Variants in C3orf49 observed in about 807,000 individuals in gnomAD.
C3orf49 encodes putative uncharacterized protein C3orf49.
C3orf49 carries 27 observed loss-of-function variants against 13.3 expected under a neutral mutation model. The observed-to-expected ratio is 2.02, with a 90% confidence interval of 1.49 to 2.79. C3orf49 has a LOEUF of 2.79. Among genes scored for constraint, C3orf49 ranks in the 30% most tolerant of loss-of-function variants. The pLI is 0.00. For missense variants in C3orf49, 242 were observed against 134.2 expected (o/e 1.80, Z -3.97); for synonymous variants, 87 against 47.6 (o/e 1.83, Z -3.40).
chr3:63,800,449 T>C, the C3orf49 span, among the ~76,000 whole-genome samples: 4 of 152,128 alleles, frequency 2.6e-5, no homozygotes, highest in Admixed American at 2.0e-4. Context: ...AGATGTTTTA[T>C]AGGGGTATTC....
chr3:63,809,068 T>A, the C3orf49 span, among the ~76,000 whole-genome samples: 5 of 152,318 alleles, frequency 3.3e-5, no homozygotes, highest in African/African-American at 1.2e-4. Context: ...TCATGTATAT[T>A]TTCACCATCC....
the C3orf49 span, among the ~76,000 whole-genome samples, chr3:63,798,637 A>G: frequency 6.6e-6 from 1 of 152,128 alleles, no homozygotes; most frequent in Admixed American, 6.6e-5. Context: ...CTGTGAATCA[A>G]TATAAAGACT....
chr3:63,819,114 GT>G (rs1701363306), upstream of C3orf49, among the ~76,000 whole-genome samples: 2 of 152,026 alleles, frequency 1.3e-5, no homozygotes, highest in East Asian at 3.9e-4. Flanking sequence ...TGTTGTTGTT[GT>G]TTGATTTTTT....
intron 6 of C3orf49, 133 bp downstream of exon 6, chr3:63,845,215 G>T (rs149216656): frequency 8.5e-6 from 4 of 472,048 alleles, no homozygotes; most frequent in Non-Finnish European, 1.5e-5. Flanking sequence ...GGCTTTGGGG[G>T]TATCAAGATT....
At chr3:63,835,498 C>G in intron 5 of C3orf49, 1 of 977,860 alleles carries the variant, frequency 1.0e-6, no homozygotes, top group Non-Finnish European at 1.5e-6. Flanking sequence ...AAAAAAAGGG[C>G]TTATAAGGAG....
At chr3:63,782,472 G>C in the C3orf49 span, 1 of 152,110 alleles carries the variant, frequency 6.6e-6, no homozygotes, top group Non-Finnish European at 1.5e-5. Flanking sequence ...ACATTGATGA[G>C]AAAAATCTTT....
intron 3 of C3orf49, among the ~76,000 whole-genome samples, chr3:63,829,979 G>T (rs1238031630): frequency 6.6e-6 from 1 of 152,052 alleles, no homozygotes; most frequent in South Asian, 2.1e-4. Flanking sequence ...ATATATATAT[G>T]TATTTGAATT....
At chr3:63,790,625 A>T in the C3orf49 span, among the ~76,000 whole-genome samples, 1 of 145,648 alleles carries the variant, frequency 6.9e-6, no homozygotes, top group Non-Finnish European at 1.5e-5. Context: ...TTGGCACCTC[A>T]ATGCAGTAAT....
intron 2 of C3orf49, among the ~76,000 whole-genome samples, chr3:63,825,092 T>G (rs574907271): frequency 6.6e-6 from 1 of 152,292 alleles, no homozygotes; most frequent in South Asian, 2.1e-4. Context: ...CTGTGGGATT[T>G]GACAAATACC....
chr3:63,816,442 A>G (rs1031358224), upstream of C3orf49, among the ~76,000 whole-genome samples: 9 of 152,068 alleles, frequency 5.9e-5, no homozygotes, highest in African/African-American at 1.7e-4. Context: ...AATACAAAAA[A>G]TTAGCTGGGC....
intron 5 of C3orf49, among the ~76,000 whole-genome samples, chr3:63,840,914 C>T (rs1701743157): frequency 6.6e-6 from 1 of 152,142 alleles, no homozygotes; most frequent in Non-Finnish European, 1.5e-5. Context: ...CCATTCTGAC[C>T]CCATAATTCC....
chr3:63,810,376 G>T, the C3orf49 span, among the ~76,000 whole-genome samples: 1 of 152,042 alleles, frequency 6.6e-6, no homozygotes, highest in Non-Finnish European at 1.5e-5. Context: ...TCTGTTCCTC[G>T]CTGTATGCTC....
the C3orf49 span, among the ~76,000 whole-genome samples, chr3:63,810,923 T>G: frequency 6.6e-6 from 1 of 152,224 alleles, no homozygotes; most frequent in Non-Finnish European, 1.5e-5. Flanking sequence ...CTCAGCTCAC[T>G]GCAACCTCCA....
the C3orf49 span, among the ~76,000 whole-genome samples, chr3:63,785,351 C>T: frequency 2.0e-5 from 3 of 151,260 alleles, no homozygotes; most frequent in Non-Finnish European, 2.9e-5. Context: ...GGATTATAGG[C>T]GTGAGCCACC....
At chr3:63,827,875 A>G in intron 3 of C3orf49, 150 bp downstream of exon 3, 1 of 571,282 alleles carries the variant, frequency 1.8e-6, no homozygotes, top group Non-Finnish European at 3.1e-6. Context: ...AATTTAGGGT[A>G]CTCTCTGGGT....
At chr3:63,795,592 C>T in the C3orf49 span, among the ~76,000 whole-genome samples, 1 of 152,148 alleles carries the variant, frequency 6.6e-6, no homozygotes, top group Non-Finnish European at 1.5e-5. Flanking sequence ...CTCATTTGCT[C>T]AATCGTCCTC....
At chr3:63,833,687 T>C (rs1385014613) in intron 5 of C3orf49, 1 of 157,268 alleles carries the variant, frequency 6.4e-6, no homozygotes, top group Admixed American at 6.4e-5. Context: ...TTTCACAGGT[T>C]CATGGTCCTC....
intron 2 of C3orf49, among the ~76,000 whole-genome samples, chr3:63,826,479 C>T (rs918019540): frequency 6.6e-6 from 1 of 152,102 alleles, no homozygotes; most frequent in African/African-American, 2.4e-5. Flanking sequence ...GGATTGAGCA[C>T]TGGCTTTGAA....
chr3:63,813,383 A>G, the C3orf49 span, among the ~76,000 whole-genome samples: 2 of 152,178 alleles, frequency 1.3e-5, no homozygotes, highest in Admixed American at 6.5e-5. Flanking sequence ...ATTTTGATTC[A>G]TATGTTGTTT....
Sources: allele counts gnomAD v4.1 joint callset (sites outside exome capture counted in the v4.1 genomes callset), GRCh38; gene constraint gnomAD v4.1.1; transcripts MANE v1.5; gene names NCBI Gene and HGNC (gene_info 2026-07-23, HGNC 2026-07-21).